The following DAO variants were observed in gnomAD, a reference collection of about 807,000 sequenced individuals.
The protein encoded by DAO is D-amino acid oxidase, also known as D-amino-acid oxidase.
A neutral mutation model predicts 50.1 loss-of-function variants in DAO; 51 were observed. That is an observed-to-expected ratio of 1.02 (90% confidence interval 0.81 to 1.29). DAO has a LOEUF of 1.29. DAO is among the 50% of genes most tolerant of loss of function. DAO has a pLI of 0.00. For missense variants in DAO, 436 were observed against 439.4 expected (o/e 0.99, Z 0.07); for synonymous variants, 160 against 166.2 (o/e 0.96, Z 0.29).
intron 7 of DAO, among the ~76,000 whole-genome samples, chr12:108,896,292 A>G (rs35258241): frequency 0.34 from 50,494 of 150,650 alleles, 9,510 homozygotes; most frequent in East Asian, 0.49. Context: ...GTGTGGTGGC[A>G]GGTGCCTGTA....
intron 8 of DAO, 113 bp downstream of exon 8, chr12:108,897,201 T>C: frequency 1.3e-6 from 1 of 760,970 alleles, no homozygotes; most frequent in Non-Finnish European, 2.3e-6. Context: ...TCAATGTTTT[T>C]ATGTACTTAG....
At chr12:108,890,311 C>A (rs758026835) in intron 5 of DAO, 38 bp downstream of exon 5, 2 of 1,531,096 alleles carry the variant, frequency 1.3e-6, no homozygotes, top group Non-Finnish European at 9.1e-7. Context: ...AGGTACCTCC[C>A]AGAGACCAAG....
chr12:108,889,127 A>G (rs1427846764), intron 3 of DAO, among the ~76,000 whole-genome samples: 2 of 148,010 alleles, frequency 1.4e-5, no homozygotes, highest in East Asian at 2.0e-4. Context: ...TTTTTTTGAG[A>G]TGAAGTCTCG....
At position 108,888,485 on chromosome 12, in the gene DAO, A is replaced by C. The variant is rs187490736; in HGVS notation, c.309+921A>C. ...TGAGTAATTGGGATTACAGGTGCGCACTACCACGCCTGGCTAATTTTTGTA... is the reference window on the plus strand; with the variant it reads ...TGAGTAATTGGGATTACAGGTGCGCCCTACCACGCCTGGCTAATTTTTGTA... On this transcript the variant is annotated intron_variant, in intron 3 of 10. Transcript: ENST00000228476. Among the ~76,000 whole-genome samples the C allele has an allele frequency of 2.7e-3, 418 of 152,070 alleles. 1 individual carries two copies. Among genetic ancestry groups the C allele is most frequent in the Admixed American group, 4.7e-3 (71 of 15,250 alleles).
rs181081934 is a variant in DAO, at chr12:108,900,950, C to G, written c.*415C>G. On this transcript the variant is annotated 3_prime_UTR_variant, in exon 11 of 11. Transcript: ENST00000228476. ...AAGACAACTATCTGATGTTGTTTAACCCAGTGCTTGCTAAACCTATCTGGC... is the reference window on the plus strand; with the variant it reads ...AAGACAACTATCTGATGTTGTTTAAGCCAGTGCTTGCTAAACCTATCTGGC... 4.3e-5 allele frequency: 11 copies of G among 255,896 alleles called. No homozygotes were observed. The Admixed American group carries it at 4.6e-4, about 11-fold the overall frequency. 15.9% of individuals were successfully genotyped at this position (255,896 alleles called of 1,614,324 possible).
chr12:108,885,656 C>T (rs2039429036), intron 2 of DAO, among the ~76,000 whole-genome samples: 1 of 151,988 alleles, frequency 6.6e-6, no homozygotes, highest in East Asian at 1.9e-4. Flanking sequence ...TGCTCTGTGC[C>T]AGATACTAGG....
chr12:108,894,519 T>A, intron 7 of DAO, 152 bp downstream of exon 7: 1 of 658,040 alleles, frequency 1.5e-6, no homozygotes, highest in Non-Finnish European at 2.7e-6. Flanking sequence ...AACAAACCTG[T>A]CCCACCCCCA....
intron 8 of DAO, among the ~76,000 whole-genome samples, chr12:108,897,382 A>G (rs1271778850): frequency 6.6e-6 from 1 of 151,892 alleles, no homozygotes; most frequent in Non-Finnish European, 1.5e-5. Context: ...ACATCCAGCT[A>G]ATTTTTTGTA....
chr12:108,887,219 G>A (rs971930201), intron 2 of DAO, among the ~76,000 whole-genome samples: 2 of 152,124 alleles, frequency 1.3e-5, no homozygotes, highest in Non-Finnish European at 2.9e-5. Flanking sequence ...TGGTTATGAT[G>A]GGGCATCCTT....
chr12:108,900,347 T>C, intron 10 of DAO, 57 bp from the exon 11 acceptor site: 1 of 1,599,376 alleles, frequency 6.3e-7, no homozygotes, highest in South Asian at 1.1e-5. Context: ...AAGAGCTTCA[T>C]CTATTCTTTC....
chr12:108,887,383 C>A, intron 2 of DAO, 67 bp from the exon 3 acceptor site: 1 of 1,161,308 alleles, frequency 8.6e-7, no homozygotes, highest in Non-Finnish European at 1.3e-6. Flanking sequence ...AGCCCCATGC[C>A]AGCTGACCTA....
At chr12:108,883,879 G>T in intron 1 of DAO, 1 of 284,820 alleles carries the variant, frequency 3.5e-6, no homozygotes, top group Non-Finnish European at 7.2e-6. Flanking sequence ...TATAAAACTA[G>T]GCCATATTAA....
intron 1 of DAO, among the ~76,000 whole-genome samples, chr12:108,884,240 A>T (rs1400573843): frequency 1.3e-5 from 2 of 152,266 alleles, no homozygotes; most frequent in Non-Finnish European, 2.9e-5. Context: ...GTAGGTGTGC[A>T]TTAAGCGTGT....
At position 108,900,542 on chromosome 12, in the gene DAO, C is replaced by T. The variant is rs1472680328; in HGVS notation, c.*7C>T. 6 of 1,613,790 alleles carry T rather than the reference C, an allele frequency of 3.7e-6. No individual in the cohort carries two copies. The highest frequency in any genetic ancestry group is 5.1e-6 in the Non-Finnish European group (6 of 1,179,824). ...GCCACCATCCCACCTCTGAAGACTCCAGTGACTGCTGCCTCCCCCCACAAG... is the reference window on the plus strand; with the variant it reads ...GCCACCATCCCACCTCTGAAGACTCTAGTGACTGCTGCCTCCCCCCACAAG... On this transcript the variant is annotated 3_prime_UTR_variant, in exon 11 of 11. Transcript: ENST00000228476.
At position 108,885,161 on chromosome 12, in the gene DAO, G is replaced by A; in HGVS notation, c.155G>A (p.Trp52Ter). Residue 52 changes from tryptophan (W) to a stop codon, truncating the protein, a stop_gained, in exon 2 of 11, where the codon TGG becomes TAG. Transcript: ENST00000228476. LOFTEE classifies it high-confidence loss of function. Reference sequence around the variant, plus strand: ...ACCACCGACGTGGCTGCCGGCCTCTGGCAGCCCTACCTTTCTGACCCCAAC... The same window carrying A: ...ACCACCGACGTGGCTGCCGGCCTCTAGCAGCCCTACCTTTCTGACCCCAAC... ...LTTTDVAAGLWQPYLSDPNNP... is the reference protein window; with the variant it reads ...LTTTDVAAGL 1 of 1,613,366 alleles carries A rather than the reference G, an allele frequency of 6.2e-7. No homozygotes were observed. The highest frequency in any genetic ancestry group is 8.5e-7 in the Non-Finnish European group (1 of 1,179,602).
At chr12:108,895,395 ATGTGAGGGTGTGTGTGCATGTG>A (rs1463104033) in intron 7 of DAO, among the ~76,000 whole-genome samples, 1 of 105,028 alleles carries the variant, frequency 9.5e-6, no homozygotes, top group African/African-American at 3.9e-5. Flanking sequence ...GTGTGCACAT[ATGTGAGGGTGTGTGTGCATGTG>A]TGTGAGGGTG....
intron 3 of DAO, among the ~76,000 whole-genome samples, chr12:108,888,024 G>A (rs545329413): frequency 3.3e-5 from 5 of 152,278 alleles, no homozygotes; most frequent in Admixed American, 6.5e-5. Context: ...CTTTATAACC[G>A]GGAGGTAAGG....
intron 10 of DAO, 89 bp downstream of exon 10, chr12:108,899,564 G>A: frequency 8.9e-7 from 1 of 1,127,194 alleles, no homozygotes; most frequent in African/African-American, 1.5e-5. Context: ...CTGATCTCAA[G>A]TTCCACACAG....
chr12:108,882,951 G>A (rs1593156648), intron 1 of DAO, among the ~76,000 whole-genome samples: 2 of 151,772 alleles, frequency 1.3e-5, no homozygotes, highest in South Asian at 4.2e-4. Flanking sequence ...AATTGGAGGT[G>A]GCAGTGAGCT....
Sources: gnomAD v4.1 joint callset for allele counts (sites outside exome capture counted in the v4.1 genomes callset) on GRCh38, gnomAD v4.1.1 for gene constraint, MANE v1.5 for transcripts, NCBI Gene and HGNC (gene_info 2026-07-23, HGNC 2026-07-21) for gene names.